ZNF451: variants seen among roughly 807,000 people sequenced by gnomAD.
ZNF451 encodes the protein zinc finger protein 451, also known as E3 SUMO-protein ligase ZNF451.
ZNF451 carries 80 observed loss-of-function variants against 107.1 expected under a neutral mutation model. That is an observed-to-expected ratio of 0.75 (90% confidence interval 0.62 to 0.90). ZNF451 has a LOEUF of 0.90. ZNF451 is among the 40% of genes least tolerant of loss of function. The probability of loss-of-function intolerance (pLI) is 0.00; values close to 1 mark genes in which losing one functional copy is unlikely to be tolerated. For missense variants in ZNF451, 1,107 were observed against 1,236.2 expected, an observed-to-expected ratio of 0.90 and a Z score of 1.57; for synonymous variants, 362 against 406.5, an observed-to-expected ratio of 0.89 and a Z score of 1.32.
intron 3 of ZNF451, among the ~76,000 whole-genome samples, chr6:57,115,735 A>AC (rs1830336088): frequency 6.6e-6 from 1 of 152,122 alleles, no homozygotes; most frequent in South Asian, 2.1e-4. Context: ...GTATTGGCAA[A>AC]CAGAAGACCT....
intron 2 of ZNF451, among the ~76,000 whole-genome samples, chr6:57,097,030 A>G (rs1829362319): frequency 6.6e-6 from 1 of 151,920 alleles, no homozygotes; most frequent in Admixed American, 6.5e-5. Context: ...TCTGCCTCCC[A>G]AGGTGCTGGA....
intron 14 of ZNF451, among the ~76,000 whole-genome samples, chr6:57,163,544 G>A (rs1335243653): frequency 2.3e-5 from 3 of 132,940 alleles, no homozygotes; most frequent in South Asian, 2.5e-4. Flanking sequence ...TCCGCCTCCC[G>A]GGTTCACGCC....
At chr6:57,160,990 T>C (rs2127987663) in intron 13 of ZNF451, 94 bp from the exon 14 acceptor site, 1 of 729,982 alleles carries the variant, frequency 1.4e-6, no homozygotes, top group Non-Finnish European at 2.2e-6. Flanking sequence ...TGTATTATAA[T>C]GAGTAAGCTT....
rs398001706 is a variant in ZNF451, at chr6:57,163,436, C to CTTTTTTTTTTTTT, written c.3139+2304_3139+2316dup. On this transcript the variant is annotated intron_variant, in intron 14 of 14. Transcript: ENST00000370706. Reference sequence around the variant, plus strand: ...AATGGTTGCTTGTTAAATGAATAAACTTTTTTTTTTTTTTTTTTTTTTTTT... The same window carrying CTTTTTTTTTTTTT: ...AATGGTTGCTTGTTAAATGAATAAACTTTTTTTTTTTTTTTTTTTTTTTTTTTTTTTTTTTTTT... 3.6e-3 allele frequency among the ~76,000 whole-genome samples: 109 copies of CTTTTTTTTTTTTT among 30,338 alleles called. 32 individuals carry two copies. Among genetic ancestry groups the CTTTTTTTTTTTTT allele is most frequent in the East Asian group, 4.4e-3 (5 of 1,126 alleles). The allele number at this position is 30,338 out of a possible 152,430, so 19.9% of individuals were successfully genotyped here. A position where few individuals can be genotyped will look rare whatever the true frequency, so the allele number is the denominator to read the frequency against.
intron 5 of ZNF451, among the ~76,000 whole-genome samples, chr6:57,129,421 A>G (rs767927595): frequency 1.6e-4 from 24 of 152,170 alleles, no homozygotes; most frequent in Non-Finnish European, 2.9e-4. Context: ...GAGTCCCACC[A>G]TGACAACTTT....
intron 3 of ZNF451, chr6:57,104,823 T>G: frequency 7.1e-6 from 7 of 985,416 alleles, no homozygotes; most frequent in Non-Finnish European, 7.2e-6. Flanking sequence ...CCCAAGTGTC[T>G]CCAGATACTC....
At chr6:57,105,116 T>C in intron 3 of ZNF451, 2 of 985,404 alleles carry the variant, frequency 2.0e-6, no homozygotes, top group Non-Finnish European at 2.4e-6. Flanking sequence ...AGTCAGATAA[T>C]AAATCCTCAT....
intron 12 of ZNF451, among the ~76,000 whole-genome samples, chr6:57,153,128 G>A (rs1832426225): frequency 6.6e-6 from 1 of 152,028 alleles, no homozygotes; most frequent in African/African-American, 2.4e-5. Context: ...GCAGCTTATG[G>A]TTTAAACAAC....
rs193132381 is a variant in ZNF451, at chr6:57,134,428, G to A, written c.576-316G>A. Among the ~76,000 whole-genome samples, 33 of 152,280 alleles carry A rather than the reference G, an allele frequency of 2.2e-4. 2 individuals are homozygous for A. Among genetic ancestry groups the A allele is most frequent in the Admixed American group, 2.2e-3 (33 of 15,292 alleles). On this transcript the variant is annotated intron_variant, in intron 6 of 14. Transcript: ENST00000370706. ...AGTCTTATGGTAACCAAGGCAAGAA[G>A]TAAAAGATGCTGGACTTACAATTTT...
rs755887568 is a variant in ZNF451 at position 57,148,127 on chromosome 6, CA to C, written c.2043del (p.Leu683Ter). 6.2e-7 allele frequency: 1 copy of C among 1,613,972 alleles called. No homozygotes were observed. The highest frequency in any genetic ancestry group is 8.5e-7 in the Non-Finnish European group (1 of 1,179,934). ...GATCTTATCTTTAATGTGGAAGAAG[CA>C]TTTCTGAGTCATTATGAGGAGCACC... ...LCDLIFNVEE[A>X]FLSHYEEHHS... is the part of the protein sequence containing the mutation. On this transcript the variant is annotated frameshift_variant, in exon 10 of 15. Coordinates refer to ENST00000370706, the MANE Select transcript of ZNF451 (RefSeq NM_001031623.3). LOFTEE classifies it high-confidence loss of function.
intron 3 of ZNF451, chr6:57,106,615 T>TC (rs1317181422): frequency 8.9e-6 from 8 of 897,856 alleles, no homozygotes; most frequent in Non-Finnish European, 1.1e-5. Context: ...TGTGAAATTT[T>TC]TTTTTTTTTT....
intron 6 of ZNF451, among the ~76,000 whole-genome samples, chr6:57,133,836 C>G (rs1021828000): frequency 2.6e-5 from 4 of 152,064 alleles, no homozygotes; most frequent in Non-Finnish European, 5.9e-5. Flanking sequence ...CCACCACACC[C>G]AGCTAATTTT....
chr6:57,124,783 C>G lies in ZNF451; in HGVS notation c.236C>G (p.Ala79Gly). ...DHIDYQKDKV[A>G]LTLARLARHV... ...ATTGATTATCAGAAGGATAAAGTTG[C>G]TTTAACTCTGGCTCGTCTAGCCCGC... is the stretch of plus-strand genomic sequence containing the variant. Residue 79 changes from alanine (A) to glycine (G), a missense_variant, in exon 4 of 15, where the codon GCT (alanine) becomes GGT (glycine). By Grantham distance (60) the Ala-to-Gly change is moderately conservative. Coordinates refer to ENST00000370706, the MANE Select transcript of ZNF451 (RefSeq NM_001031623.3). The G allele has an allele frequency of 6.2e-7, 1 of 1,607,492 alleles. No homozygotes were observed. The highest frequency in any genetic ancestry group is 8.5e-7 in the Non-Finnish European group (1 of 1,174,534).
At chr6:57,109,065 A>AC in intron 3 of ZNF451, 3 of 985,264 alleles carry the variant, frequency 3.0e-6, no homozygotes, top group Non-Finnish European at 3.6e-6. Context: ...CTGTCACCCC[A>AC]CTAGTATTTG....
intron 7 of ZNF451, among the ~76,000 whole-genome samples, chr6:57,136,750 A>G (rs1483721125): frequency 6.6e-6 from 1 of 152,092 alleles, no homozygotes; most frequent in Non-Finnish European, 1.5e-5. Flanking sequence ...TCTTTAGTAA[A>G]TTTGAGTAGG....
intron 12 of ZNF451, among the ~76,000 whole-genome samples, chr6:57,153,269 C>A (rs1399351251): frequency 6.6e-6 from 1 of 152,130 alleles, no homozygotes; most frequent in Non-Finnish European, 1.5e-5. Context: ...GGCATTTCAA[C>A]CTTATGTGAG....
At chr6:57,141,229 T>A (rs1831741728) in intron 7 of ZNF451, 73 bp from the exon 8 acceptor site, 2 of 1,284,488 alleles carry the variant, frequency 1.6e-6, no homozygotes, top group South Asian at 4.7e-5. Flanking sequence ...AAATAGGAAA[T>A]TTTGAAAGTT....
chr6:57,161,019 A>C (rs1172959691), intron 13 of ZNF451, 65 bp from the exon 14 acceptor site: 5 of 1,050,878 alleles, frequency 4.8e-6, no homozygotes, highest in Non-Finnish European at 6.8e-6. Context: ...GCAGTTATTG[A>C]AAATAATATT....
chr6:57,101,047 A>G (rs1829566705), intron 3 of ZNF451: 1 of 1,550,610 alleles, frequency 6.4e-7, no homozygotes, highest in African/African-American at 1.4e-5. Flanking sequence ...TCATCATTCT[A>G]GGCCAAGTGA....
Sources: gnomAD v4.1 joint callset for allele counts (sites outside exome capture counted in the v4.1 genomes callset) on GRCh38, gnomAD v4.1.1 for gene constraint, MANE v1.5 for transcripts, NCBI Gene and HGNC (gene_info 2026-07-23, HGNC 2026-07-21) for gene names.